The following NUP98 variants were observed in gnomAD, a reference collection of about 807,000 sequenced individuals.
The protein encoded by NUP98 is nucleoporin 98 and 96 precursor.
A neutral mutation model predicts 191.9 loss-of-function variants in NUP98; 26 were observed. The ratio of observed to expected loss-of-function variants is 0.14; its 90% confidence interval spans 0.10 to 0.19. The LOEUF (loss-of-function observed/expected upper bound fraction) is 0.19, where lower values mean the gene tolerates loss of function less well. Among genes scored for constraint, NUP98 ranks in the 10% least tolerant of loss-of-function variants. The pLI is 1.00. For synonymous variants in NUP98, 808 were observed against 778.4 expected (o/e 1.04, Z -0.63); for missense variants, 1,941 against 2,178.8 (o/e 0.89, Z 2.17).
chr11:3,692,893 G>A (rs1326007779), intron 27 of NUP98, among the ~76,000 whole-genome samples: 1 of 152,072 alleles, frequency 6.6e-6, no homozygotes, highest in Non-Finnish European at 1.5e-5. Flanking sequence ...AAACTGACAA[G>A]GAATATAAAA....
At chr11:3,729,906 T>C (rs1297738506) in intron 14 of NUP98, among the ~76,000 whole-genome samples, 2 of 151,956 alleles carry the variant, frequency 1.3e-5, no homozygotes, top group East Asian at 1.9e-4. Flanking sequence ...ACTGGACTAC[T>C]GTAAACCTTT....
At chr11:3,753,915 G>A (rs2080862641) in intron 10 of NUP98, among the ~76,000 whole-genome samples, 1 of 150,784 alleles carries the variant, frequency 6.6e-6, no homozygotes. Flanking sequence ...CTCCAGCCTG[G>A]GCAACAGAGC....
At chr11:3,785,432 G>A (rs1400441209) in intron 1 of NUP98, among the ~76,000 whole-genome samples, 1 of 152,128 alleles carries the variant, frequency 6.6e-6, no homozygotes, top group Non-Finnish European at 1.5e-5. Flanking sequence ...GACATAATCA[G>A]AGAAAGAACA....
chr11:3,769,473 C>T (rs989924386), intron 7 of NUP98, among the ~76,000 whole-genome samples: 1 of 146,678 alleles, frequency 6.8e-6, no homozygotes, highest in African/African-American at 2.5e-5. Context: ...ATTAGCCAGG[C>T]AGAATGGTGG....
chr11:3,792,892 G>A (rs2082403298), intron 1 of NUP98, among the ~76,000 whole-genome samples: 1 of 151,972 alleles, frequency 6.6e-6, no homozygotes, highest in Non-Finnish European at 1.5e-5. Context: ...GCCAAGGCAG[G>A]CGGATCACTT....
chr11:3,793,904 G>A (rs1378579672), intron 1 of NUP98, among the ~76,000 whole-genome samples: 4 of 152,096 alleles, frequency 2.6e-5, no homozygotes, highest in Non-Finnish European at 4.4e-5. Flanking sequence ...ACGAGGCGGA[G>A]GTTGCGGTGA....
intron 28 of NUP98, among the ~76,000 whole-genome samples, chr11:3,688,565 C>T (rs2078200197): frequency 4.0e-5 from 6 of 151,370 alleles, no homozygotes. Flanking sequence ...GAGGCCGAGG[C>T]AGGAGGATTA....
chr11:3,695,604 C>G lies in NUP98; in HGVS notation c.4012G>C (p.Asp1338His), dbSNP rs1166164027. The G allele has an allele frequency of 5.1e-6, 8 of 1,575,234 alleles. No individual in the cohort carries two copies. The highest frequency in any genetic ancestry group is 1.2e-5 in the South Asian group (1 of 85,916). ...GATAAAAGAAGAGCAAGACGATGAT[C>G]CCCTATAAGAGAAATGGAAGTTTTT... ...EACSLAQQSGDHRLALLLSQF... is the reference protein window; with the variant it reads ...EACSLAQQSGHHRLALLLSQF... The change falls in exon 26 of 33, where the codon GAT becomes CAT. Residue 1338 changes from aspartate to histidine, a missense_variant and splice_region_variant. Around this residue, in one of 6 missense-constraint regions of NUP98, gnomAD observed 1,030 missense variants for 1,115.8 expected, o/e 0.92. Transcript: ENST00000324932.
chr11:3,748,477 C>T (rs972806728), intron 11 of NUP98, among the ~76,000 whole-genome samples: 1 of 152,002 alleles, frequency 6.6e-6, no homozygotes, highest in East Asian at 1.9e-4. Flanking sequence ...GCCGAGATCA[C>T]ACCACTACAC....
intron 20 of NUP98, among the ~76,000 whole-genome samples, chr11:3,709,628 C>T (rs1176783103): frequency 6.6e-6 from 1 of 150,964 alleles, no homozygotes; most frequent in Non-Finnish European, 1.5e-5. Flanking sequence ...ATTGCTTGGT[C>T]CCAAGAGTTC....
chr11:3,688,137 G>A lies in NUP98; in HGVS notation c.4455-1943C>T, dbSNP rs143090951. Reference sequence around the variant, plus strand: ...ACAGTAAATTTGGCCGGGCACGGTGGCTCACGCCTGTAATCCCAGCACTCT... The same window carrying A: ...ACAGTAAATTTGGCCGGGCACGGTGACTCACGCCTGTAATCCCAGCACTCT... On this transcript the variant is annotated intron_variant, in intron 28 of 32. Transcript: ENST00000324932. Among the ~76,000 whole-genome samples, 545 of 152,222 alleles carry A rather than the reference G, an allele frequency of 3.6e-3. 3 individuals carry two copies. The highest frequency in any genetic ancestry group is 0.012 in the African/African-American group (511 of 41,526).
intron 11 of NUP98, among the ~76,000 whole-genome samples, chr11:3,747,160 C>A (rs2080537747): frequency 6.6e-6 from 1 of 152,036 alleles, no homozygotes; most frequent in Non-Finnish European, 1.5e-5. Flanking sequence ...GAAAAATGTG[C>A]TATATTTATG....
At chr11:3,682,313 T>G (rs1485243780) in intron 30 of NUP98, among the ~76,000 whole-genome samples, 1 of 152,222 alleles carries the variant, frequency 6.6e-6, no homozygotes, top group Admixed American at 6.5e-5. Flanking sequence ...TTAACACAAC[T>G]TGGCTGTTTG....
At chr11:3,689,343 G>A (rs919444203) in intron 28 of NUP98, among the ~76,000 whole-genome samples, 7 of 152,030 alleles carry the variant, frequency 4.6e-5, no homozygotes, top group African/African-American at 7.2e-5. Context: ...TGGCTAACAC[G>A]GTGAAACCCT....
At chr11:3,702,976 G>A in intron 22 of NUP98, 84 bp from the exon 23 acceptor site, 1 of 1,123,830 alleles carries the variant, frequency 8.9e-7, no homozygotes, top group East Asian at 2.4e-5. Context: ...AAATCAGTAA[G>A]GCTGAAATCA....
intron 16 of NUP98, 128 bp from the exon 17 acceptor site, chr11:3,720,953 T>G: frequency 3.6e-6 from 2 of 555,076 alleles, no homozygotes; most frequent in Non-Finnish European, 6.4e-6. Context: ...CCAAACATGA[T>G]TCCTAGGAGA....
intron 13 of NUP98, 125 bp from the exon 14 acceptor site, chr11:3,731,703 T>C (rs1036729618): frequency 4.5e-5 from 26 of 577,804 alleles, no homozygotes; most frequent in South Asian, 4.2e-4. Flanking sequence ...CCTGTTGAAG[T>C]CTCTGTTCCC....
At chr11:3,738,422 G>C (rs2080154523) in intron 12 of NUP98, among the ~76,000 whole-genome samples, 2 of 152,146 alleles carry the variant, frequency 1.3e-5, no homozygotes, top group African/African-American at 4.8e-5. Flanking sequence ...CAAAAACCAA[G>C]TCTTCTGATG....
rs1049822227 is a variant in NUP98 at position 3,784,026 on chromosome 11, C to T, written c.-28-1881G>A. 2.0e-5 allele frequency among the ~76,000 whole-genome samples: 3 copies of T among 152,212 alleles called. No individual in the cohort carries two copies. The East Asian group carries it at 5.8e-4, about 29-fold the overall frequency. ...AATAAATTAATAAGTAAACTACTTT[C>T]AGCATAAAAACTCTGAAAACAGTCA... is the stretch of plus-strand genomic sequence containing the variant. On this transcript the variant is annotated intron_variant, in intron 1 of 32. Coordinates refer to ENST00000324932, the MANE Select transcript of NUP98 (RefSeq NM_016320.5).
Sources: allele counts gnomAD v4.1 joint callset (sites outside exome capture counted in the v4.1 genomes callset), GRCh38; gene constraint gnomAD v4.1.1; regional missense constraint gnomAD v4.1.1; transcripts MANE v1.5; gene names NCBI Gene and HGNC (gene_info 2026-07-23, HGNC 2026-07-21).